PAM: variants seen among roughly 807,000 people sequenced by gnomAD.
PAM encodes the protein peptidyl-glycine alpha-amidating monooxygenase.
Under a neutral mutation model 122.1 loss-of-function variants are expected in PAM, and 72 were observed. That is an observed-to-expected ratio of 0.59 (90% confidence interval 0.49 to 0.72). PAM has a LOEUF of 0.72. PAM is among the 30% of genes least tolerant of loss of function. The probability of loss-of-function intolerance (pLI) is 0.00; values close to 1 mark genes in which losing one functional copy is unlikely to be tolerated. For missense variants in PAM, 1,106 were observed against 1,183.7 expected, an observed-to-expected ratio of 0.93 and a Z score of 0.96; for synonymous variants, 389 against 404.4, an observed-to-expected ratio of 0.96 and a Z score of 0.46.
intron 1 of PAM, among the ~76,000 whole-genome samples, chr5:102,826,830 T>C (rs1452206783): frequency 6.6e-6 from 1 of 152,190 alleles, no homozygotes; most frequent in Non-Finnish European, 1.5e-5. Flanking sequence ...TAACAGGAAG[T>C]ATTCAGTCTT....
intron 1 of PAM, among the ~76,000 whole-genome samples, chr5:102,852,830 C>A (rs1781663433): frequency 6.6e-6 from 1 of 152,114 alleles, no homozygotes. Flanking sequence ...ATTACACATA[C>A]AGCATTTAGT....
chr5:102,901,013 AC>A (rs1250149262), intron 3 of PAM, among the ~76,000 whole-genome samples: 1 of 151,696 alleles, frequency 6.6e-6, no homozygotes, highest in African/African-American at 2.4e-5. Context: ...GATGGTCAAA[AC>A]TAACTTCTAC....
rs554859347 is a variant in PAM, at chr5:102,959,304, A to C, written c.906-571A>C. 3.3e-5 allele frequency among the ~76,000 whole-genome samples: 5 copies of C among 152,218 alleles called. No individual in the cohort carries two copies. In the South Asian group the frequency reaches 1.0e-3, roughly 32 times the overall value. The stretch of plus-strand genomic sequence containing the variant: ...TTGCCAAGTCAGACATCAGGGATAC[A>C]CTTTGAATGTCTTAGTGGGGACACA... On this transcript the variant is annotated intron_variant, in intron 12 of 25. Coordinates refer to ENST00000438793, the MANE Select transcript of PAM (RefSeq NM_001177306.2).
At chr5:102,771,573 T>G (rs1755790242) in intron 1 of PAM, among the ~76,000 whole-genome samples, 1 of 152,112 alleles carries the variant, frequency 6.6e-6, no homozygotes, top group African/African-American at 2.4e-5. Context: ...TCCTAAATAC[T>G]TTGTCTTCAT....
chr5:102,814,187 A>G (rs1185064754), intron 1 of PAM, among the ~76,000 whole-genome samples: 1 of 152,206 alleles, frequency 6.6e-6, no homozygotes, highest in African/African-American at 2.4e-5. Context: ...TGAGCTCACT[A>G]ACGCAAAGAT....
chr5:102,807,140 T>C (rs1766448915), intron 1 of PAM, among the ~76,000 whole-genome samples: 1 of 152,214 alleles, frequency 6.6e-6, no homozygotes, highest in Non-Finnish European at 1.5e-5. Flanking sequence ...AATAGCAAAA[T>C]TAGACCTCAG....
At chr5:102,936,956 C>A (rs1482753618) in intron 7 of PAM, among the ~76,000 whole-genome samples, 1 of 152,018 alleles carries the variant, frequency 6.6e-6, no homozygotes, top group African/African-American at 2.4e-5. Flanking sequence ...AGGACATGAG[C>A]AGAATAATTT....
chr5:102,790,347 A>C (rs1303751459), intron 1 of PAM, among the ~76,000 whole-genome samples: 1 of 152,088 alleles, frequency 6.6e-6, no homozygotes. Flanking sequence ...TTTGGCTGAA[A>C]GACTGCCTCT....
intron 1 of PAM, among the ~76,000 whole-genome samples, chr5:102,762,350 A>G (rs1005350091): frequency 5.3e-5 from 8 of 152,274 alleles, no homozygotes; most frequent in Admixed American, 2.6e-4. Context: ...CCCCAGTTTC[A>G]TGCTGTCCTT....
intron 16 of PAM, among the ~76,000 whole-genome samples, chr5:102,997,393 T>G (rs1199600350): frequency 1.3e-5 from 2 of 152,080 alleles, no homozygotes; most frequent in Non-Finnish European, 2.9e-5. Flanking sequence ...GGTGTGCACC[T>G]GTGGTCCCAG....
intron 5 of PAM, among the ~76,000 whole-genome samples, chr5:102,914,518 T>C (rs748913738): frequency 3.3e-5 from 5 of 152,124 alleles, no homozygotes; most frequent in Admixed American, 6.6e-5. Context: ...ATATAGATTA[T>C]TGATACTCTG....
At chr5:102,823,227 C>T (rs543407472) in intron 1 of PAM, among the ~76,000 whole-genome samples, 2 of 152,198 alleles carry the variant, frequency 1.3e-5, no homozygotes, top group African/African-American at 4.8e-5. Context: ...TATATTTTGT[C>T]ACCAAAGCTG....
intron 7 of PAM, among the ~76,000 whole-genome samples, chr5:102,930,291 T>A (rs1751027900): frequency 6.6e-6 from 1 of 152,052 alleles, no homozygotes; most frequent in African/African-American, 2.4e-5. Context: ...TAGGCAATAA[T>A]AATAATGCAT....
chr5:102,928,065 T>A (rs1374959036), intron 7 of PAM, among the ~76,000 whole-genome samples: 3 of 152,186 alleles, frequency 2.0e-5, no homozygotes, highest in African/African-American at 7.2e-5. Context: ...ACTTCCAAAG[T>A]ATTGACAAAG....
chr5:102,838,025 A>G (rs1777553901), intron 1 of PAM, among the ~76,000 whole-genome samples: 1 of 152,200 alleles, frequency 6.6e-6, no homozygotes, highest in Admixed American at 6.5e-5. Flanking sequence ...TCGAATATTT[A>G]GTTGCACATG....
intron 1 of PAM, among the ~76,000 whole-genome samples, chr5:102,850,739 G>A (rs1218430197): frequency 6.6e-6 from 1 of 152,162 alleles, no homozygotes; most frequent in East Asian, 1.9e-4. Context: ...GGCTGGCGGG[G>A]TGGTGGTACT....
chr5:102,887,278 T>A (rs1044364209), intron 3 of PAM, among the ~76,000 whole-genome samples: 2 of 151,982 alleles, frequency 1.3e-5, no homozygotes, highest in African/African-American at 4.8e-5. Flanking sequence ...TGTTCGAAAT[T>A]GTGCCTCCCT....
intron 1 of PAM, among the ~76,000 whole-genome samples, chr5:102,755,856 G>A (rs1400597348): frequency 2.6e-5 from 4 of 152,040 alleles, no homozygotes; most frequent in African/African-American, 9.7e-5. Context: ...GGCGAGTGCC[G>A]GGAAGCAGTG....
At chr5:102,933,163 A>G (rs981944557) in intron 7 of PAM, among the ~76,000 whole-genome samples, 1 of 152,230 alleles carries the variant, frequency 6.6e-6, no homozygotes, top group Admixed American at 6.5e-5. Flanking sequence ...AGATGTTTCA[A>G]GTTATCGGAT....
Sources: allele counts gnomAD v4.1 joint callset (sites outside exome capture counted in the v4.1 genomes callset), GRCh38; gene constraint gnomAD v4.1.1; transcripts MANE v1.5; gene names NCBI Gene and HGNC (gene_info 2026-07-23, HGNC 2026-07-21).